DNAJC1: variants seen among roughly 807,000 people sequenced by gnomAD.
DNAJC1 encodes dnaJ homolog subfamily C member 1.
Under a neutral mutation model 76.6 loss-of-function variants are expected in DNAJC1, and 58 were observed. That is an observed-to-expected ratio of 0.76 (90% confidence interval 0.61 to 0.94). The LOEUF is 0.94. DNAJC1 is among the 40% of genes least tolerant of loss of function. DNAJC1 has a pLI of 0.00. For missense variants in DNAJC1, 689 were observed against 677.3 expected, an observed-to-expected ratio of 1.02 and a Z score of -0.19; for synonymous variants, 258 against 267.9, an observed-to-expected ratio of 0.96 and a Z score of 0.36.
chr10:21,773,863 C>T (rs569546629), intron 9 of DNAJC1, among the ~76,000 whole-genome samples: 5 of 151,454 alleles, frequency 3.3e-5, no homozygotes, highest in African/African-American at 4.8e-5. Flanking sequence ...TATAAAGGGC[C>T]GGGCGCGGTG....
At chr10:21,912,679 C>T (rs1349715618) in intron 6 of DNAJC1, among the ~76,000 whole-genome samples, 3 of 152,054 alleles carry the variant, frequency 2.0e-5, no homozygotes, top group Non-Finnish European at 2.9e-5. Flanking sequence ...TGCCTCATCC[C>T]TTGGAAAATC....
At chr10:21,865,054 G>A (rs1037565414) in intron 8 of DNAJC1, among the ~76,000 whole-genome samples, 8 of 152,096 alleles carry the variant, frequency 5.3e-5, no homozygotes, top group African/African-American at 1.9e-4. Flanking sequence ...AAATTAAAGA[G>A]GGTGATGATA....
intron 8 of DNAJC1, among the ~76,000 whole-genome samples, chr10:21,819,342 A>C (rs1464998364): frequency 6.6e-6 from 1 of 152,056 alleles, no homozygotes; most frequent in Non-Finnish European, 1.5e-5. Context: ...CAGAGGTTGC[A>C]GTGAGCCGAG....
intron 7 of DNAJC1, among the ~76,000 whole-genome samples, chr10:21,890,181 G>T (rs557027577): frequency 2.0e-5 from 3 of 151,978 alleles, no homozygotes; most frequent in African/African-American, 2.4e-5. Flanking sequence ...GGAGGCTGGG[G>T]GGGGGTGGAT....
intron 1 of DNAJC1, among the ~76,000 whole-genome samples, chr10:21,935,567 T>C (rs931768243): frequency 2.0e-5 from 3 of 151,908 alleles, no homozygotes; most frequent in Admixed American, 2.0e-4. Flanking sequence ...GAAAACATAT[T>C]TGAAGAAAAA....
At chr10:21,820,014 T>G (rs1680932758) in intron 8 of DNAJC1, among the ~76,000 whole-genome samples, 1 of 152,230 alleles carries the variant, frequency 6.6e-6, no homozygotes, top group Admixed American at 6.5e-5. Flanking sequence ...TTTTAGTATA[T>G]TCATAAAGTC....
At chr10:21,896,528 G>A (rs1419455575) in intron 7 of DNAJC1, among the ~76,000 whole-genome samples, 1 of 152,094 alleles carries the variant, frequency 6.6e-6, no homozygotes, top group East Asian at 1.9e-4. Flanking sequence ...CATAGAAACT[G>A]TTTGATTTCA....
intron 8 of DNAJC1, among the ~76,000 whole-genome samples, chr10:21,819,120 G>T (rs1835118115): frequency 6.6e-6 from 1 of 152,126 alleles, no homozygotes; most frequent in South Asian, 2.1e-4. Flanking sequence ...AAAAAGGTTT[G>T]GGCCAGGCGC....
intron 1 of DNAJC1, among the ~76,000 whole-genome samples, chr10:21,982,155 T>C (rs55672249): frequency 0.047 from 7,224 of 152,296 alleles, 254 homozygotes; most frequent in Middle Eastern, 0.14. Context: ...TCTTTTCTCC[T>C]ACTGCAACTG....
intron 9 of DNAJC1, among the ~76,000 whole-genome samples, chr10:21,796,325 C>T (rs1450603960): frequency 6.6e-6 from 1 of 152,122 alleles, no homozygotes; most frequent in Non-Finnish European, 1.5e-5. Context: ...CCCACATCTT[C>T]TCTAGCCATC....
intron 1 of DNAJC1, among the ~76,000 whole-genome samples, chr10:21,989,847 T>G (rs1838301626): frequency 6.6e-6 from 1 of 152,024 alleles, no homozygotes. Flanking sequence ...TAAAAACATC[T>G]ATAAAGCCAC....
chr10:21,913,278 CAG>C (rs1226917563), intron 6 of DNAJC1, among the ~76,000 whole-genome samples: 1 of 151,856 alleles, frequency 6.6e-6, no homozygotes, highest in East Asian at 1.9e-4. Context: ...ATATATGAGT[CAG>C]AGAGAAACTT....
At chr10:21,852,643 C>T (rs1332369106) in intron 8 of DNAJC1, among the ~76,000 whole-genome samples, 2 of 152,018 alleles carry the variant, frequency 1.3e-5, no homozygotes, top group African/African-American at 4.8e-5. Flanking sequence ...AAATTGGTTA[C>T]AATTACTTGG....
chr10:21,856,170 AT>A (rs1406820436), intron 8 of DNAJC1, among the ~76,000 whole-genome samples: 1 of 152,162 alleles, frequency 6.6e-6, no homozygotes, highest in Non-Finnish European at 1.5e-5. Context: ...AAGAAACCAA[AT>A]TTTCCCAAGG....
At chr10:21,832,300 A>G (rs140351596) in intron 8 of DNAJC1, among the ~76,000 whole-genome samples, 36 of 152,174 alleles carry the variant, frequency 2.4e-4, no homozygotes, top group African/African-American at 8.2e-4. Context: ...TCTCTCCTAG[A>G]TGTTTTTCTT....
intron 1 of DNAJC1, among the ~76,000 whole-genome samples, chr10:21,946,941 A>G (rs1837515526): frequency 6.6e-6 from 1 of 152,204 alleles, no homozygotes; most frequent in Non-Finnish European, 1.5e-5. Flanking sequence ...GATTAATGGC[A>G]TAAAAGGGCT....
intron 9 of DNAJC1, among the ~76,000 whole-genome samples, chr10:21,803,312 G>T (rs920116762): frequency 6.6e-6 from 1 of 152,072 alleles, no homozygotes; most frequent in East Asian, 1.9e-4. Flanking sequence ...GGGAGAACTA[G>T]GCAGGTGATC....
chr10:22,002,095 T>C (rs1000983014), intron 1 of DNAJC1, among the ~76,000 whole-genome samples: 18 of 152,226 alleles, frequency 1.2e-4, no homozygotes, highest in Non-Finnish European at 2.1e-4. Context: ...AAATGCAATG[T>C]CTGAAAATTA....
chr10:21,924,174 C>A (rs1837083361), intron 3 of DNAJC1, among the ~76,000 whole-genome samples: 1 of 151,924 alleles, frequency 6.6e-6, no homozygotes, highest in Admixed American at 6.6e-5. Context: ...TTGTGGTACA[C>A]TGCACTTTAT....
Sources: allele counts gnomAD v4.1 joint callset (sites outside exome capture counted in the v4.1 genomes callset), GRCh38; gene constraint gnomAD v4.1.1; transcripts MANE v1.5; gene names NCBI Gene and HGNC (gene_info 2026-07-23, HGNC 2026-07-21).